The following UBR3 variants were observed in gnomAD, a reference collection of about 807,000 sequenced individuals.
The protein encoded by UBR3 is E3 ubiquitin-protein ligase UBR3.
In UBR3, 85 loss-of-function variants were observed where a neutral mutation model predicts 243.2. That is an observed-to-expected ratio of 0.35 (90% CI 0.29 to 0.42). The LOEUF (loss-of-function observed/expected upper bound fraction) is 0.42. UBR3 is among the 10% of genes least tolerant of loss of function. The probability of loss-of-function intolerance (pLI) is 1.00; values close to 1 mark genes in which losing one functional copy is unlikely to be tolerated. For missense variants in UBR3, 1,686 were observed against 2,300.8 expected, an observed-to-expected ratio of 0.73 and a Z score of 5.47; for synonymous variants, 748 against 799.8, an observed-to-expected ratio of 0.94 and a Z score of 1.09.
At chr2:170,001,912 C>A (rs1187197356) in intron 27 of UBR3, among the ~76,000 whole-genome samples, 1 of 67,510 alleles carries the variant, frequency 1.5e-5, no homozygotes, top group African/African-American at 7.1e-5. Flanking sequence ...GACTCCATCT[C>A]AAAAAAAAAA....
At chr2:169,981,530 G>T (rs2088729677) in intron 24 of UBR3, among the ~76,000 whole-genome samples, 1 of 152,010 alleles carries the variant, frequency 6.6e-6, no homozygotes, top group Non-Finnish European at 1.5e-5. Context: ...AGGAAACAAG[G>T]AAAGTCTGAG....
At chr2:169,828,164 G>C in intron 1 of UBR3, 112 bp downstream of exon 1, 4 of 1,272,086 alleles carry the variant, frequency 3.1e-6, no homozygotes, top group Non-Finnish European at 3.0e-6. Flanking sequence ...AGGGTGCGGG[G>C]GAGGGTGCAG....
At chr2:170,056,008 T>C (rs1001252381) in intron 33 of UBR3, among the ~76,000 whole-genome samples, 1,339 of 118,266 alleles carry the variant, frequency 0.011, no homozygotes, top group African/African-American at 0.02. Context: ...TCTTTCTTTT[T>C]TTTTTTTTTT....
intron 33 of UBR3, among the ~76,000 whole-genome samples, chr2:170,056,388 A>G (rs754610397): frequency 1.3e-5 from 2 of 152,186 alleles, no homozygotes; most frequent in Non-Finnish European, 2.9e-5. Flanking sequence ...AGGAAACTCA[A>G]AGGAACTCAG....
In UBR3 at chr2:169,827,862, C is replaced by A; in HGVS notation, c.355C>A (p.Leu119Ile). 1 of 1,505,752 alleles carries A rather than the reference C, an allele frequency of 6.6e-7. No homozygotes were observed. Among genetic ancestry groups the A allele is most frequent in the East Asian group, 2.7e-5 (1 of 37,118 alleles). The allele number at this position is 1,505,752 out of a possible 1,614,324, so 93.3% of individuals were successfully genotyped here. Residue 119 changes from leucine (L) to isoleucine (I), a missense_variant, in exon 1 of 39, where the codon CTC becomes ATC. By Grantham distance (5) the Leu-to-Ile change is conservative. Transcript: ENST00000272793. ...GGTGCGGGCCTACGATCCCGCGGCG[C>A]TCTGCGGCCTGGTCTGGACAGCCAA... The part of the protein sequence containing the change: ...AAVRAYDPAA[L>I]CGLVWTANFV...
intron 25 of UBR3, among the ~76,000 whole-genome samples, chr2:169,987,724 T>C (rs898901268): frequency 3.3e-5 from 5 of 152,032 alleles, no homozygotes; most frequent in African/African-American, 9.7e-5. Context: ...AACAAGAGTA[T>C]GTGTAAAATA....
chr2:169,975,885 CATAT>C (rs3083011), intron 24 of UBR3, among the ~76,000 whole-genome samples: 78,295 of 150,458 alleles, frequency 0.52, 20,571 homozygotes, highest in African/African-American at 0.63. Flanking sequence ...CAATTAAAAA[CATAT>C]ATATATATAT....
intron 11 of UBR3, among the ~76,000 whole-genome samples, chr2:169,918,693 C>T (rs898428001): frequency 2.6e-5 from 4 of 151,982 alleles, no homozygotes; most frequent in African/African-American, 9.7e-5. Context: ...ATACATTTTC[C>T]TATAAGATAG....
chr2:169,922,618 G>T (rs568406262), intron 11 of UBR3, among the ~76,000 whole-genome samples: 1 of 152,132 alleles, frequency 6.6e-6, no homozygotes, highest in African/African-American at 2.4e-5. Flanking sequence ...TCTTCCCCCA[G>T]CTTCTGGCAA....
chr2:169,930,190 T>C (rs913599995), intron 18 of UBR3, among the ~76,000 whole-genome samples: 29 of 152,168 alleles, frequency 1.9e-4, no homozygotes, highest in African/African-American at 7.0e-4. Flanking sequence ...TCACCTCCTA[T>C]CTGCTATCAT....
intron 1 of UBR3, among the ~76,000 whole-genome samples, chr2:169,835,990 A>C (rs2082071965): frequency 5.3e-5 from 2 of 37,666 alleles, no homozygotes; most frequent in Non-Finnish European, 5.0e-5. Context: ...TCCTGTGTGC[A>C]CTGTCTCTCT....
chr2:169,903,630 A>G (rs1574162857), intron 8 of UBR3, among the ~76,000 whole-genome samples: 1 of 152,302 alleles, frequency 6.6e-6, no homozygotes, highest in East Asian at 1.9e-4. Flanking sequence ...CCTAAGTTTA[A>G]TGTGTGGAAA....
chr2:170,015,499 T>C (rs1306993196), intron 30 of UBR3, 133 bp downstream of exon 30: 2 of 574,280 alleles, frequency 3.5e-6, no homozygotes, highest in South Asian at 2.7e-5. Context: ...ATATATACTT[T>C]AAATGGCTAA....
At chr2:170,045,518 G>C (rs573197405) in intron 32 of UBR3, among the ~76,000 whole-genome samples, 1 of 152,274 alleles carries the variant, frequency 6.6e-6, no homozygotes, top group African/African-American at 2.4e-5. Context: ...TGGGACCAGT[G>C]ATTATAGAAT....
intron 1 of UBR3, among the ~76,000 whole-genome samples, chr2:169,859,661 G>A (rs1380807404): frequency 2.6e-5 from 4 of 151,668 alleles, no homozygotes; most frequent in Non-Finnish European, 5.9e-5. Flanking sequence ...TCATTCTACT[G>A]TTAATTCTCT....
At chr2:169,947,259 G>A (rs2086821966) in intron 21 of UBR3, 1 of 202,592 alleles carries the variant, frequency 4.9e-6, no homozygotes, top group South Asian at 1.8e-4. Flanking sequence ...ATTCTGTAAT[G>A]TTCAGTATTC....
At chr2:169,911,255 A>G (rs528882772) in intron 10 of UBR3, among the ~76,000 whole-genome samples, 1 of 152,268 alleles carries the variant, frequency 6.6e-6, no homozygotes, top group East Asian at 1.9e-4. Context: ...GGAGAAAAAT[A>G]AGCTGCAAAA....
intron 26 of UBR3, among the ~76,000 whole-genome samples, chr2:170,000,175 A>G (rs1036589878): frequency 3.9e-5 from 6 of 152,016 alleles, no homozygotes; most frequent in Admixed American, 2.0e-4. Flanking sequence ...AAATTTGGAA[A>G]GGATATATAG....
chr2:170,073,754 A>G (rs1464105696), intron 36 of UBR3, 147 bp downstream of exon 36: 2 of 800,436 alleles, frequency 2.5e-6, no homozygotes, highest in Non-Finnish European at 3.8e-6. Context: ...ACTTATGTAG[A>G]TTGTATTTAT....
Sources: gnomAD v4.1 joint callset for allele counts (sites outside exome capture counted in the v4.1 genomes callset) on GRCh38, gnomAD v4.1.1 for gene constraint, MANE v1.5 for transcripts, NCBI Gene and HGNC (gene_info 2026-07-23, HGNC 2026-07-21) for gene names.